FANCA: variants seen among roughly 807,000 people sequenced by gnomAD.
The protein encoded by FANCA is Fanconi anemia group A protein.
Under a neutral mutation model 194.3 loss-of-function variants are expected in FANCA, and 236 were observed. That is an observed-to-expected ratio of 1.21 (90% CI 1.09 to 1.35). The LOEUF (loss-of-function observed/expected upper bound fraction) is 1.35. Among genes scored for constraint, FANCA ranks in the 40% most tolerant of loss-of-function variants. The pLI is 0.00. For missense variants in FANCA, 2,628 were observed against 1,813.9 expected (o/e 1.45, Z -8.15); for synonymous variants, 1,014 against 715.8 (o/e 1.42, Z -6.65).
At chr16:89,765,607 G>T (rs553655072) in intron 27 of FANCA, among the ~76,000 whole-genome samples, 2 of 152,260 alleles carry the variant, frequency 1.3e-5, no homozygotes, top group African/African-American at 4.8e-5. Context: ...GCCTCTGCCA[G>T]GAATGGCGTT....
intron 23 of FANCA, among the ~76,000 whole-genome samples, chr16:89,770,906 A>G (rs1447913768): frequency 6.6e-6 from 1 of 152,090 alleles, no homozygotes; most frequent in East Asian, 1.9e-4. Context: ...GGCCAGAAAA[A>G]TATTTTAGGT....
chr16:89,816,270 C>T (rs1467398063), intron 1 of FANCA: 1 of 285,852 alleles, frequency 3.5e-6, no homozygotes, highest in East Asian at 6.4e-5. Context: ...ACCCCAGGCC[C>T]GCCTGACAGG....
chr16:89,791,912 C>T lies in FANCA; in HGVS notation c.1225+15G>A, dbSNP rs755101500. 2 of 1,613,912 alleles carry T rather than the reference C, an allele frequency of 1.2e-6. No individual in the cohort carries two copies. Among genetic ancestry groups the T allele is most frequent in the East Asian group, 2.2e-5 (1 of 44,888 alleles). On this transcript the variant is annotated intron_variant, in intron 13 of 42. Transcript: ENST00000389301. Reference sequence around the variant, plus strand: ...CACTCTTGACCAGCACCACCGGGCTCGCGTAAAAGCTCACCTTCAAGCAGC... The same window carrying T: ...CACTCTTGACCAGCACCACCGGGCTTGCGTAAAAGCTCACCTTCAAGCAGC...
At chr16:89,802,089 G>A (rs981404314) in intron 8 of FANCA, among the ~76,000 whole-genome samples, 3 of 152,118 alleles carry the variant, frequency 2.0e-5, no homozygotes, top group Non-Finnish European at 2.9e-5. Context: ...TACAGAAAAC[G>A]TGGTATATAC....
chr16:89,739,046 T>G, intron 41 of FANCA, 72 bp from the exon 42 acceptor site: 6 of 1,614,088 alleles, frequency 3.7e-6, no homozygotes, highest in Non-Finnish European at 5.1e-6. Flanking sequence ...CCCCATAGTC[T>G]GCATGCTGTG....
chr16:89,752,371 C>A, intron 30 of FANCA, 149 bp from the exon 31 acceptor site: 2 of 737,992 alleles, frequency 2.7e-6, no homozygotes, highest in African/African-American at 1.7e-5. Context: ...ACAAAAACTG[C>A]CACAAAATAC....
At chr16:89,758,251 A>ATAGG (rs1195484482) in intron 30 of FANCA, among the ~76,000 whole-genome samples, 3 of 152,336 alleles carry the variant, frequency 2.0e-5, no homozygotes, top group Admixed American at 1.3e-4. Context: ...TTGCTATGTG[A>ATAGG]TAGGCTCAAG....
At chr16:89,764,734 G>C in intron 28 of FANCA, 156 bp downstream of exon 28, 1 of 892,174 alleles carries the variant, frequency 1.1e-6, no homozygotes. Context: ...GACTCGAGAC[G>C]AGGAGACAGT....
chr16:89,746,983 A>G (rs1420515329), intron 33 of FANCA, 93 bp from the exon 34 acceptor site: 2 of 1,218,656 alleles, frequency 1.6e-6, no homozygotes, highest in East Asian at 5.1e-5. Flanking sequence ...GTTTTGAGAA[A>G]AACACTCGCT....
intron 1 of FANCA, chr16:89,816,229 C>T (rs2143727331): frequency 2.0e-6 from 1 of 510,090 alleles, no homozygotes; most frequent in Non-Finnish European, 3.6e-6. Context: ...CGAGGGGCGG[C>T]CTCTGCGCTG....
intron 6 of FANCA, among the ~76,000 whole-genome samples, chr16:89,808,046 A>T (rs1174356185): frequency 6.8e-6 from 1 of 146,362 alleles, no homozygotes; most frequent in African/African-American, 2.5e-5. Flanking sequence ...CCACAGAGCG[A>T]GACTCCGTCT....
At chr16:89,783,444 G>A (rs932566512) in intron 15 of FANCA, among the ~76,000 whole-genome samples, 5 of 151,736 alleles carry the variant, frequency 3.3e-5, no homozygotes, top group Admixed American at 1.3e-4. Context: ...CCAGCTACTC[G>A]GGAGACTGAG....
intron 11 of FANCA, among the ~76,000 whole-genome samples, chr16:89,793,400 C>G (rs989618622): frequency 2.0e-5 from 3 of 152,120 alleles, no homozygotes; most frequent in African/African-American, 7.2e-5. Flanking sequence ...CTGGCTTTTC[C>G]TAGGTTATGA....
At chr16:89,763,933 A>AC (rs1467519010) in intron 28 of FANCA, among the ~76,000 whole-genome samples, 41 of 148,466 alleles carry the variant, frequency 2.8e-4, no homozygotes, top group African/African-American at 7.0e-4. Flanking sequence ...AAAAAAAACA[A>AC]AACAACAACA....
intron 35 of FANCA, 81 bp from the exon 36 acceptor site, chr16:89,745,152 G>T: frequency 7.4e-7 from 1 of 1,356,786 alleles, no homozygotes; most frequent in Non-Finnish European, 1.0e-6. Context: ...CAAGCCCCCA[G>T]TGCTCCTACA....
chr16:89,739,497 G>A lies in FANCA; in HGVS notation c.3991C>T (p.Leu1331=), dbSNP rs1341148284. The A allele has an allele frequency of 6.4e-7, 1 of 1,551,310 alleles. No homozygotes were observed. The highest frequency in any genetic ancestry group is 8.7e-7 in the Non-Finnish European group (1 of 1,147,200). ...AGGTACCTGTAAAAAGCGAAAGGCA[G>A]CAGCCTGGTGTGCTGATCCGGGGCC... ...RVAPDQHTRL[L]PFAFYSLLSY... Residue 1331 remains leucine (L), a synonymous_variant, in exon 40 of 43, where the codon CTG becomes TTG. Coordinates refer to ENST00000389301, the MANE Select transcript of FANCA (RefSeq NM_000135.4).
chr16:89,781,807 G>T (rs923143970), intron 17 of FANCA, among the ~76,000 whole-genome samples: 1 of 151,596 alleles, frequency 6.6e-6, no homozygotes, highest in Non-Finnish European at 1.5e-5. Context: ...AGACCATACT[G>T]GCTAACGTGG....
In FANCA at chr16:89,791,438, G is replaced by A. The variant is rs1242781028; in HGVS notation, c.1324C>T (p.Pro442Ser). The change falls in exon 14 of 43, where the codon CCC becomes TCC. Residue 442 changes from proline (P) to serine (S), a missense_variant. Coordinates refer to ENST00000389301, the MANE Select transcript of FANCA (RefSeq NM_000135.4). ...TCTGCATATGACAGGAACGCAGAGG[G>A]GCCCTCCAGTGCTGCCTGGCGCACA... is the stretch of plus-strand genomic sequence containing the variant. The part of the protein sequence containing the change: ...LVVRQAALEG[P>S]SAFLSYADWF... 6.2e-7 allele frequency: 1 copy of A among 1,614,104 alleles called. No homozygotes were observed. The highest frequency in any genetic ancestry group is 8.5e-7 in the Non-Finnish European group (1 of 1,179,994).
intron 18 of FANCA, among the ~76,000 whole-genome samples, chr16:89,779,469 AC>A (rs1239101396): frequency 4.6e-5 from 7 of 152,036 alleles, no homozygotes; most frequent in African/African-American, 1.2e-4. Flanking sequence ...AAAAAAAAAA[AC>A]ATCATGGCCC....
Sources: allele counts gnomAD v4.1 joint callset (sites outside exome capture counted in the v4.1 genomes callset), GRCh38; gene constraint gnomAD v4.1.1; transcripts MANE v1.5; gene names NCBI Gene and HGNC (gene_info 2026-07-23, HGNC 2026-07-21).